The following SRBD1 variants were observed in gnomAD, a reference collection of about 807,000 sequenced individuals.
SRBD1 encodes the protein S1 RNA binding domain 1.
In SRBD1, 88 loss-of-function variants were observed where a neutral mutation model predicts 115.3. The observed-to-expected ratio is 0.76, with a 90% CI of 0.64 to 0.91. The LOEUF is 0.91. Among genes scored for constraint, SRBD1 ranks in the 40% least tolerant of loss-of-function variants. SRBD1 has a pLI of 0.00. For synonymous variants in SRBD1, 509 were observed against 407.7 expected (o/e 1.25, Z -2.99); for missense variants, 1,385 against 1,177.4 (o/e 1.18, Z -2.58).
chr2:45,556,448 C>CTTTTTTTTTTTT (rs59284495), intron 10 of SRBD1, among the ~76,000 whole-genome samples: 2 of 78,822 alleles, frequency 2.5e-5, no homozygotes, highest in African/African-American at 5.4e-5. Context: ...TGCTCTATTA[C>CTTTTTTTTTTTT]TTTTTTTTTT....
At chr2:45,419,328 C>T (rs6757385) in intron 17 of SRBD1, among the ~76,000 whole-genome samples, 19 of 152,106 alleles carry the variant, frequency 1.2e-4, no homozygotes, top group African/African-American at 3.9e-4. Flanking sequence ...ATATAACATG[C>T]GATTATAGTA....
chr2:45,562,491 G>A (rs1034090184), intron 10 of SRBD1, among the ~76,000 whole-genome samples, 162 bp downstream of exon 10: 6 of 152,130 alleles, frequency 3.9e-5, no homozygotes, highest in Non-Finnish European at 7.4e-5. Context: ...CTCAGCCTCC[G>A]AAAGTGCTGG....
chr2:45,607,549 T>C (rs1345365869), intron 1 of SRBD1, among the ~76,000 whole-genome samples: 2 of 151,762 alleles, frequency 1.3e-5, no homozygotes, highest in African/African-American at 4.8e-5. Flanking sequence ...ACTAACAAAT[T>C]GCAACACATA....
At chr2:45,496,028 C>G (rs574456423) in intron 14 of SRBD1, among the ~76,000 whole-genome samples, 51 of 152,192 alleles carry the variant, frequency 3.4e-4, no homozygotes, top group African/African-American at 1.1e-3. Context: ...CATATAATAC[C>G]AGATTATCTG....
At chr2:45,598,059 C>G in intron 4 of SRBD1, among the ~76,000 whole-genome samples, 1 of 152,206 alleles carries the variant, frequency 6.6e-6, no homozygotes, top group East Asian at 1.9e-4. Flanking sequence ...CCACCTGCCT[C>G]TGTAGGCCTG....
chr2:45,596,397 A>G (rs1263846651), intron 4 of SRBD1, among the ~76,000 whole-genome samples: 1 of 152,248 alleles, frequency 6.6e-6, no homozygotes, highest in Non-Finnish European at 1.5e-5. Flanking sequence ...AAACATTAAA[A>G]GTCTAGGTTA....
At position 45,489,226 on chromosome 2, in the gene SRBD1, G is replaced by A. The variant is rs574429116; in HGVS notation, c.1875-895C>T. Among the ~76,000 whole-genome samples the A allele has an allele frequency of 2.0e-5, 3 of 152,246 alleles. No homozygotes were observed. In the East Asian group the frequency reaches 5.8e-4, roughly 29 times the overall value. On this transcript the variant is annotated intron_variant, in intron 14 of 20. Coordinates refer to ENST00000263736, the MANE Select transcript of SRBD1 (RefSeq NM_018079.5). The stretch of plus-strand genomic sequence containing the variant: ...ATGTGGCTCTATACCATGTGACCAT[G>A]TAGGTGTCAATATTCAAAACCAGAA...
intron 14 of SRBD1, among the ~76,000 whole-genome samples, chr2:45,506,932 C>T (rs1670816708): frequency 6.6e-6 from 1 of 152,128 alleles, no homozygotes; most frequent in Non-Finnish European, 1.5e-5. Context: ...TTTTTTCCCA[C>T]ACACTTGGCT....
In SRBD1 at chr2:45,414,670, T is replaced by C. The variant is rs181851959; in HGVS notation, c.2334-1377A>G. Among the ~76,000 whole-genome samples, 67 of 150,650 alleles carry C rather than the reference T, an allele frequency of 4.4e-4. No homozygotes were observed. In the East Asian group the frequency reaches 0.011, roughly 24 times the overall value. On this transcript the variant is annotated intron_variant, in intron 18 of 20. Coordinates refer to ENST00000263736, the MANE Select transcript of SRBD1 (RefSeq NM_018079.5). ...ATAGTATGCACATACACACATAGTG[T>C]ATATAGTATGTATATACACACACAC...
chr2:45,543,781 T>C (rs1672022417), intron 14 of SRBD1, among the ~76,000 whole-genome samples: 1 of 152,102 alleles, frequency 6.6e-6, no homozygotes, highest in African/African-American at 2.4e-5. Flanking sequence ...AAAAAGTACA[T>C]TAAAAGACTA....
At chr2:45,547,436 A>C (rs1672155510) in intron 13 of SRBD1, 86 bp downstream of exon 13, 2 of 1,188,554 alleles carry the variant, frequency 1.7e-6, no homozygotes, top group East Asian at 5.0e-5. Flanking sequence ...CACCTCCCTT[A>C]ATCCCTCCCT....
chr2:45,534,859 A>G (rs576816617), intron 14 of SRBD1, among the ~76,000 whole-genome samples: 1 of 152,102 alleles, frequency 6.6e-6, no homozygotes, highest in East Asian at 1.9e-4. Flanking sequence ...AAAGCAAAAG[A>G]AAAAGGTCCA....
intron 16 of SRBD1, among the ~76,000 whole-genome samples, chr2:45,433,795 T>C (rs1043054882): frequency 2.6e-5 from 4 of 152,254 alleles, no homozygotes; most frequent in African/African-American, 7.2e-5. Flanking sequence ...ACAAATAATA[T>C]TGGAAGAAGA....
intron 18 of SRBD1, among the ~76,000 whole-genome samples, chr2:45,413,684 T>G (rs551453176): frequency 6.6e-6 from 1 of 152,068 alleles, no homozygotes; most frequent in African/African-American, 2.4e-5. Context: ...TCCCAACACT[T>G]TGGGAGGCCG....
At chr2:45,452,909 G>T (rs1372622115) in intron 16 of SRBD1, among the ~76,000 whole-genome samples, 1 of 151,978 alleles carries the variant, frequency 6.6e-6, no homozygotes, top group Non-Finnish European at 1.5e-5. Flanking sequence ...TCGTTAGAAT[G>T]TCTGAAGCTA....
At chr2:45,491,169 C>A (rs897571802) in intron 14 of SRBD1, among the ~76,000 whole-genome samples, 2 of 151,956 alleles carry the variant, frequency 1.3e-5, no homozygotes, top group Non-Finnish European at 2.9e-5. Context: ...TAGACACTTG[C>A]CAAAAGTACA....
chr2:45,391,888 A>T (rs1039269020), intron 20 of SRBD1, among the ~76,000 whole-genome samples: 7 of 152,196 alleles, frequency 4.6e-5, no homozygotes, highest in African/African-American at 1.4e-4. Flanking sequence ...CAACCCTCTA[A>T]TGCAAAGGGT....
chr2:45,566,982 C>T (rs1381837400), intron 9 of SRBD1, among the ~76,000 whole-genome samples: 1 of 152,054 alleles, frequency 6.6e-6, no homozygotes, highest in Non-Finnish European at 1.5e-5. Flanking sequence ...GATATTTTAA[C>T]AATTTTAGCA....
At chr2:45,555,971 T>A (rs938182162) in intron 10 of SRBD1, among the ~76,000 whole-genome samples, 5 of 152,178 alleles carry the variant, frequency 3.3e-5, no homozygotes, top group African/African-American at 1.2e-4. Context: ...TAATTAATAT[T>A]ACCTTAAGGG....
Sources: gnomAD v4.1 joint callset for allele counts (sites outside exome capture counted in the v4.1 genomes callset) on GRCh38, gnomAD v4.1.1 for gene constraint, MANE v1.5 for transcripts, NCBI Gene and HGNC (gene_info 2026-07-23, HGNC 2026-07-21) for gene names.